Variants in SUGCT observed in about 807,000 individuals in gnomAD.
SUGCT encodes succinyl-CoA:glutarate CoA-transferase.
A neutral mutation model predicts 55.0 loss-of-function variants in SUGCT; 41 were observed. The observed-to-expected ratio is 0.74, with a 90% CI of 0.58 to 0.97. The LOEUF (loss-of-function observed/expected upper bound fraction) is 0.97, where lower values mean the gene tolerates loss of function less well. Ranked by LOEUF, SUGCT falls within the 50% of genes least tolerant of loss-of-function variation. SUGCT has a pLI of 0.00. For missense variants in SUGCT, 568 were observed against 547.8 expected (o/e 1.04, Z -0.37); for synonymous variants, 187 against 200.4 (o/e 0.93, Z 0.56).
intron 12 of SUGCT, among the ~76,000 whole-genome samples, chr7:40,532,694 T>C (rs943025836): frequency 1.3e-5 from 2 of 151,914 alleles, no homozygotes; most frequent in Non-Finnish European, 2.9e-5. Context: ...GCAAAGAAGG[T>C]TTTTCGTTTG....
intron 12 of SUGCT, among the ~76,000 whole-genome samples, chr7:40,659,043 G>C (rs1216868814): frequency 6.6e-6 from 1 of 152,168 alleles, no homozygotes; most frequent in Non-Finnish European, 1.5e-5. Context: ...GAAGTTTCTA[G>C]TCTGGGAGCA....
At chr7:40,407,472 A>T (rs907534792) in intron 9 of SUGCT, among the ~76,000 whole-genome samples, 1 of 151,136 alleles carries the variant, frequency 6.6e-6, no homozygotes, top group African/African-American at 2.5e-5. Context: ...GGCAAAAATT[A>T]AAAAAAAGAA....
At chr7:40,786,333 A>G (rs1005529030) in intron 13 of SUGCT, among the ~76,000 whole-genome samples, 3 of 152,204 alleles carry the variant, frequency 2.0e-5, no homozygotes, top group Admixed American at 6.5e-5. Flanking sequence ...ATTATTTTCT[A>G]TAAGATATGT....
chr7:40,882,379 G>A, the SUGCT span, among the ~76,000 whole-genome samples: 1 of 152,170 alleles, frequency 6.6e-6, no homozygotes, highest in Non-Finnish European at 1.5e-5. Context: ...AGGTTATAAA[G>A]AGGATCATCT....
At chr7:40,419,170 A>G (rs1016806777) in intron 9 of SUGCT, among the ~76,000 whole-genome samples, 1 of 152,200 alleles carries the variant, frequency 6.6e-6, no homozygotes, top group African/African-American at 2.4e-5. Flanking sequence ...GGCAAAGTTC[A>G]TGTTTACATA....
intron 12 of SUGCT, among the ~76,000 whole-genome samples, chr7:40,556,793 G>A (rs1439031158): frequency 6.6e-6 from 1 of 152,120 alleles, no homozygotes; most frequent in Non-Finnish European, 1.5e-5. Flanking sequence ...ACAGTTTCTG[G>A]CACATAATAA....
intron 11 of SUGCT, among the ~76,000 whole-genome samples, chr7:40,472,002 T>G (rs1416827777): frequency 1.3e-5 from 2 of 152,092 alleles, no homozygotes; most frequent in Admixed American, 6.5e-5. Context: ...GGCTGAAACA[T>G]GTTTTTCTCT....
At chr7:40,867,018 G>T in the SUGCT span, among the ~76,000 whole-genome samples, 1 of 151,932 alleles carries the variant, frequency 6.6e-6, no homozygotes, top group East Asian at 1.9e-4. Context: ...GGCCCAGATG[G>T]GGGGAGAAAG....
intron 12 of SUGCT, among the ~76,000 whole-genome samples, chr7:40,535,732 G>T (rs1794326842): frequency 6.6e-6 from 1 of 152,118 alleles, no homozygotes; most frequent in African/African-American, 2.4e-5. Context: ...ACAACAGGAG[G>T]CCATGTCCTG....
At chr7:40,572,906 A>G (rs1378127904) in intron 12 of SUGCT, among the ~76,000 whole-genome samples, 1 of 152,118 alleles carries the variant, frequency 6.6e-6, no homozygotes, top group Non-Finnish European at 1.5e-5. Context: ...CAGGATATAC[A>G]CGCGGAGGCA....
chr7:40,215,686 C>A (rs1459814675), intron 6 of SUGCT, among the ~76,000 whole-genome samples: 5 of 151,892 alleles, frequency 3.3e-5, no homozygotes, highest in African/African-American at 1.2e-4. Context: ...CACGGTGAAA[C>A]CCCGTCGCTA....
the SUGCT span, among the ~76,000 whole-genome samples, chr7:41,036,019 G>A: frequency 1.3e-5 from 2 of 152,338 alleles, no homozygotes; most frequent in East Asian, 1.9e-4. Context: ...ACAGATGAGC[G>A]TCTTTGTTCA....
At chr7:40,155,930 T>C (rs1783868723) in intron 1 of SUGCT, among the ~76,000 whole-genome samples, 1 of 150,918 alleles carries the variant, frequency 6.6e-6, no homozygotes, top group Non-Finnish European at 1.5e-5. Flanking sequence ...CAATCCTGGC[T>C]CACTGCAACC....
chr7:40,148,127 A>G (rs528495953), intron 1 of SUGCT, among the ~76,000 whole-genome samples: 2 of 151,640 alleles, frequency 1.3e-5, no homozygotes, highest in African/African-American at 4.9e-5. Flanking sequence ...AGAGAGCAGG[A>G]AATCGGAATG....
At chr7:40,213,780 A>G (rs1787474980) in intron 6 of SUGCT, among the ~76,000 whole-genome samples, 1 of 152,150 alleles carries the variant, frequency 6.6e-6, no homozygotes, top group Admixed American at 6.5e-5. Context: ...GTAGTCCAAT[A>G]TTATTGTTTT....
intron 13 of SUGCT, among the ~76,000 whole-genome samples, chr7:40,778,712 C>T (rs898804752): frequency 6.6e-6 from 1 of 152,224 alleles, no homozygotes; most frequent in Admixed American, 6.5e-5. Flanking sequence ...GTAAAACTTA[C>T]ACCTTTCTTA....
chr7:40,619,108 T>C (rs1258050407), intron 12 of SUGCT, among the ~76,000 whole-genome samples: 2 of 152,220 alleles, frequency 1.3e-5, no homozygotes, highest in African/African-American at 4.8e-5. Context: ...GATGACGCCT[T>C]CCATATTTTC....
At chr7:40,961,503 G>A in the SUGCT span, among the ~76,000 whole-genome samples, 1 of 152,190 alleles carries the variant, frequency 6.6e-6, no homozygotes, top group African/African-American at 2.4e-5. Flanking sequence ...CACACCTTTT[G>A]TGGCTGAAGT....
At chr7:40,990,229 T>A in the SUGCT span, among the ~76,000 whole-genome samples, 3 of 152,236 alleles carry the variant, frequency 2.0e-5, no homozygotes, top group Non-Finnish European at 4.4e-5. Context: ...GACATTAATC[T>A]CCTCACACAT....
Sources: gnomAD v4.1 joint callset for allele counts (sites outside exome capture counted in the v4.1 genomes callset) on GRCh38, gnomAD v4.1.1 for gene constraint, MANE v1.5 for transcripts, NCBI Gene and HGNC (gene_info 2026-07-23, HGNC 2026-07-21) for gene names.